The following RNF152 variants were observed in gnomAD, a reference collection of about 807,000 sequenced individuals.
The protein encoded by RNF152 is ring finger protein 152, also known as E3 ubiquitin-protein ligase RNF152.
RNF152 carries 11 observed loss-of-function variants against 12.7 expected under a neutral mutation model. The observed-to-expected ratio is 0.86, with a 90% CI of 0.54 to 1.43. The LOEUF is 1.43. RNF152 is among the 40% of genes most tolerant of loss of function. The pLI is 0.00. For missense variants in RNF152, 255 were observed against 274.8 expected (o/e 0.93, Z 0.51); for synonymous variants, 113 against 120.3 (o/e 0.94, Z 0.40).
Position 61,810,405 on chromosome 18 carries a change from G to C in RNF152, c.*5447C>G, listed in dbSNP as rs998093072. ...CCATGCCTGTAATCCCAGCACTTTG[G>C]GAGGCCGAGGCGGGTGGATCGCCTG... is the stretch of plus-strand genomic sequence containing the variant. On this transcript the variant is annotated 3_prime_UTR_variant, in exon 2 of 2. Coordinates refer to ENST00000312828, the MANE Select transcript of RNF152 (RefSeq NM_173557.3). The C allele has an allele frequency of 2.6e-5, 4 of 152,216 alleles. No individual in the cohort carries two copies. Among genetic ancestry groups the C allele is most frequent in the African/African-American group, 7.2e-5 (3 of 41,446 alleles). 9.4% of individuals were successfully genotyped at this position (152,216 alleles called of 1,614,324 possible). A position where few individuals can be genotyped will look rare whatever the true frequency, so the allele number is the denominator to read the frequency against.
At chr18:61,886,577 C>A (rs1383193530) in intron 1 of RNF152, among the ~76,000 whole-genome samples, 2 of 152,238 alleles carry the variant, frequency 1.3e-5, no homozygotes, top group Admixed American at 1.3e-4. Flanking sequence ...ATCAGCCAGC[C>A]ACAGGCCCCC....
At chr18:61,824,481 G>A (rs566148673) in intron 1 of RNF152, among the ~76,000 whole-genome samples, 6 of 152,348 alleles carry the variant, frequency 3.9e-5, no homozygotes, top group African/African-American at 1.2e-4. Context: ...TGGCAAGAAT[G>A]CGCATTTATG....
chr18:61,868,129 T>C (rs547826176), intron 1 of RNF152, among the ~76,000 whole-genome samples: 1 of 152,334 alleles, frequency 6.6e-6, no homozygotes, highest in South Asian at 2.1e-4. Context: ...GTCATTTTCC[T>C]CGTAGCCAGC....
At chr18:61,825,152 C>G (rs1255513519) in intron 1 of RNF152, among the ~76,000 whole-genome samples, 1 of 152,170 alleles carries the variant, frequency 6.6e-6, no homozygotes, top group African/African-American at 2.4e-5. Flanking sequence ...GTGAACTCAC[C>G]TTGTGTACTA....
chr18:61,876,571 C>A (rs972569199), intron 1 of RNF152, among the ~76,000 whole-genome samples: 21 of 152,202 alleles, frequency 1.4e-4, no homozygotes, highest in African/African-American at 5.1e-4. Flanking sequence ...AACAGAATGA[C>A]AAGGCTGTGG....
intron 1 of RNF152, among the ~76,000 whole-genome samples, chr18:61,846,834 A>C (rs1910760934): frequency 6.6e-6 from 1 of 152,216 alleles, no homozygotes; most frequent in African/African-American, 2.4e-5. Flanking sequence ...AACTGCCTGC[A>C]GAGAAAGCTT....
At chr18:61,861,062 T>C (rs1911455456) in intron 1 of RNF152, among the ~76,000 whole-genome samples, 1 of 152,234 alleles carries the variant, frequency 6.6e-6, no homozygotes, top group African/African-American at 2.4e-5. Flanking sequence ...TTTAGACATT[T>C]ATAAAGTTAA....
At chr18:61,830,194 T>C (rs936949045) in intron 1 of RNF152, among the ~76,000 whole-genome samples, 4 of 151,998 alleles carry the variant, frequency 2.6e-5, no homozygotes, top group Non-Finnish European at 2.9e-5. Context: ...GGCTAATTTT[T>C]TGTATATTTA....
intron 1 of RNF152, among the ~76,000 whole-genome samples, chr18:61,821,825 T>C (rs147658470): frequency 6.6e-6 from 1 of 152,216 alleles, no homozygotes; most frequent in Non-Finnish European, 1.5e-5. Context: ...GCAAGGGATC[T>C]AGACTGCACA....
At chr18:61,882,233 G>A (rs1455469835) in intron 1 of RNF152, among the ~76,000 whole-genome samples, 3 of 152,202 alleles carry the variant, frequency 2.0e-5, no homozygotes, top group Non-Finnish European at 4.4e-5. Flanking sequence ...AGATTAGCCT[G>A]TACTTAATCT....
Position 61,816,039 on chromosome 18 carries a change from A to G in RNF152, c.425T>C (p.Leu142Pro), listed in dbSNP as rs569340864. 7 of 1,614,180 alleles carry G rather than the reference A, an allele frequency of 4.3e-6. No individual in the cohort carries two copies. In the African/African-American group the frequency reaches 5.3e-5, roughly 12 times the overall value. ...VVTIPAEQQP[L>P]QGGAPQEAVE... The stretch of plus-strand genomic sequence containing the variant: ...CGCCTCCTGGGGAGCCCCACCTTGC[A>G]GAGGCTGCTGTTCAGCAGGGATGGT... The change falls in exon 2 of 2, where the codon CTG (leucine) becomes CCG (proline). Residue 142 changes from leucine (L) to proline (P), a missense_variant. Coordinates refer to ENST00000312828, the MANE Select transcript of RNF152 (RefSeq NM_173557.3).
At chr18:61,868,108 T>A (rs1911821449) in intron 1 of RNF152, among the ~76,000 whole-genome samples, 2 of 152,122 alleles carry the variant, frequency 1.3e-5, no homozygotes, top group African/African-American at 2.4e-5. Context: ...TTTTCCTGGC[T>A]CCTCTCTCCA....
intron 1 of RNF152, among the ~76,000 whole-genome samples, chr18:61,835,695 A>T (rs1384143872): frequency 6.6e-6 from 1 of 152,236 alleles, no homozygotes; most frequent in Non-Finnish European, 1.5e-5. Flanking sequence ...ACAGAACCAC[A>T]TTCAAATCCC....
At chr18:61,829,033 G>C (rs1909806781) in intron 1 of RNF152, among the ~76,000 whole-genome samples, 2 of 152,208 alleles carry the variant, frequency 1.3e-5, no homozygotes, top group African/African-American at 4.8e-5. Flanking sequence ...CAAAGGCACA[G>C]AGACCAAGAC....
At position 61,815,960 on chromosome 18, in the gene RNF152, C is replaced by T. The variant is rs763808644; in HGVS notation, c.504G>A (p.Gly168=). Residue 168 remains glycine, a synonymous_variant, in exon 2 of 2, where the codon GGG becomes GGA. Coordinates refer to ENST00000312828, the MANE Select transcript of RNF152 (RefSeq NM_173557.3). ...AAGCCACCAAGATGACAGTGCACAC[C>T]CCCGACCAGGTGGAGCTTTTCACCA... ...RGVVKSSTWS[G]VCTVILVACV... 4 of 1,614,242 alleles carry T rather than the reference C, an allele frequency of 2.5e-6. No individual in the cohort carries two copies. The highest frequency in any genetic ancestry group is 2.5e-6 in the Non-Finnish European group (3 of 1,180,046).
At chr18:61,831,652 C>T (rs780857015) in intron 1 of RNF152, among the ~76,000 whole-genome samples, 1 of 151,244 alleles carries the variant, frequency 6.6e-6, no homozygotes, top group Non-Finnish European at 1.5e-5. Context: ...ATGCTCACTT[C>T]CTACTGTCAC....
In RNF152 at chr18:61,816,397, G is replaced by A. The variant is rs763691551; in HGVS notation, c.67C>T (p.Arg23Cys). The part of the protein sequence containing the change: ...QICFNYYSPR[R>C]RPKLLDCKHT... Reference sequence around the variant, plus strand: ...TTGCAGTCCAGCAACTTGGGCCTGCGCCGGGGGCTGTAGTAATTGAAACAG... The same window carrying A: ...TTGCAGTCCAGCAACTTGGGCCTGCACCGGGGGCTGTAGTAATTGAAACAG... Residue 23 changes from arginine (R) to cysteine (C), a missense_variant, in exon 2 of 2, where the codon CGC becomes TGC. Coordinates refer to ENST00000312828, the MANE Select transcript of RNF152 (RefSeq NM_173557.3). 30 of 1,613,914 alleles carry A rather than the reference G, an allele frequency of 1.9e-5. No homozygotes were observed. Among genetic ancestry groups the A allele is most frequent in the East Asian group, 2.2e-5 (1 of 44,876 alleles).
intron 1 of RNF152, among the ~76,000 whole-genome samples, chr18:61,856,248 T>G (rs1259447799): frequency 3.9e-5 from 6 of 152,186 alleles, no homozygotes. Flanking sequence ...CAAAGACTCT[T>G]GAAAACTAAA....
chr18:61,864,582 T>C (rs1171060367), intron 1 of RNF152, among the ~76,000 whole-genome samples: 1 of 152,038 alleles, frequency 6.6e-6, no homozygotes, highest in Non-Finnish European at 1.5e-5. Flanking sequence ...CATTGCCCAC[T>C]GGGGACTAAC....
Sources: gnomAD v4.1 joint callset for allele counts (sites outside exome capture counted in the v4.1 genomes callset) on GRCh38, gnomAD v4.1.1 for gene constraint, MANE v1.5 for transcripts, NCBI Gene and HGNC (gene_info 2026-07-23, HGNC 2026-07-21) for gene names.